ONECUT3: variants seen among roughly 807,000 people sequenced by gnomAD.
The protein encoded by ONECUT3 is one cut domain family member 3.
Under a neutral mutation model 16.8 loss-of-function variants are expected in ONECUT3, and 11 were observed. That is an observed-to-expected ratio of 0.66 (90% confidence interval 0.41 to 1.09). The LOEUF (loss-of-function observed/expected upper bound fraction) is 1.09. Among genes scored for constraint, ONECUT3 ranks in the 50% least tolerant of loss-of-function variants. The pLI, the probability that ONECUT3 is intolerant of heterozygous loss-of-function variation, is 0.00. For missense variants in ONECUT3, 637 were observed against 629.9 expected, an observed-to-expected ratio of 1.01 and a Z score of -0.12; for synonymous variants, 344 against 310.7, an observed-to-expected ratio of 1.11 and a Z score of -1.13.
chr19:1,768,217 C>T (rs2068011159), intron 1 of ONECUT3, among the ~76,000 whole-genome samples: 1 of 148,150 alleles, frequency 6.7e-6, no homozygotes, highest in South Asian at 2.1e-4. Flanking sequence ...TGGGATTAGA[C>T]AAGGGGTGTT....
chr19:1,756,231 G>A (rs575475547), intron 1 of ONECUT3, among the ~76,000 whole-genome samples: 15 of 152,294 alleles, frequency 9.8e-5, no homozygotes, highest in South Asian at 6.2e-4. Context: ...CCCACAGGCC[G>A]GCCTCAGTTT....
At chr19:1,770,340 G>A (rs1428889434) in intron 1 of ONECUT3, among the ~76,000 whole-genome samples, 2 of 152,156 alleles carry the variant, frequency 1.3e-5, no homozygotes, top group African/African-American at 2.4e-5. Context: ...GGGAGGCTGA[G>A]GTGGAAGGAT....
chr19:1,775,200 C>G lies in ONECUT3; in HGVS notation c.1240C>G (p.Pro414Ala). The change falls in exon 2 of 2, where the codon CCC becomes GCC. Residue 414 changes from proline (P) to alanine (A), a missense_variant. Pro to Ala is a conservative substitution (Grantham distance 27). This residue lies in a region of ONECUT3 where 183 missense variants were observed against 188.3 expected (regional missense o/e 0.97). Transcript: ENST00000382349. Reference sequence around the variant, plus strand: ...GCAGCAGAAGGAGCGCGCCCTGCAGCCCAAGAAGCAGCGCCTGGTGTTCAC... The same window carrying G: ...GCAGCAGAAGGAGCGCGCCCTGCAGGCCAAGAAGCAGCGCCTGGTGTTCAC... Reference protein sequence around the residue: ...QEQQKERALQPKKQRLVFTDL... With the variant: ...QEQQKERALQAKKQRLVFTDL... The G allele has an allele frequency of 6.4e-7, 1 of 1,555,018 alleles. No homozygotes were observed. Among genetic ancestry groups the G allele is most frequent in the Non-Finnish European group, 8.7e-7 (1 of 1,150,926 alleles).
intron 1 of ONECUT3, among the ~76,000 whole-genome samples, chr19:1,773,814 G>GA (rs1568602470): frequency 5.9e-4 from 55 of 93,860 alleles, no homozygotes; most frequent in African/African-American, 2.0e-3. Flanking sequence ...CCAGCTCCTA[G>GA]TGGGGGAAGC....
rs1468589405 is a variant in ONECUT3 at position 1,778,917 on chromosome 19, T to G, written c.*3472T>G. On this transcript the variant is annotated 3_prime_UTR_variant, in exon 2 of 2. Transcript: ENST00000382349. ...ACACACACACACACACACACACCCC[T>G]ACCTGTTTCCGGACCCCACCCCAAA... The G allele has an allele frequency of 8.4e-6, 1 of 118,472 alleles. No individual in the cohort carries two copies. The highest frequency in any genetic ancestry group is 3.1e-5 in the African/African-American group (1 of 31,874). The allele number at this position is 118,472 out of a possible 1,614,324, so 7.3% of individuals were successfully genotyped here. A position where few individuals can be genotyped will look rare whatever the true frequency, so the allele number is the denominator to read the frequency against.
chr19:1,775,111 C>T (rs892278576), intron 1 of ONECUT3, 42 bp from the exon 2 acceptor site: 1 of 1,300,192 alleles, frequency 7.7e-7, no homozygotes, highest in Non-Finnish European at 1.0e-6. Context: ...CACACGGTGG[C>T]GCTGTGTCCC....
chr19:1,771,909 G>T (rs1786577049), intron 1 of ONECUT3, among the ~76,000 whole-genome samples: 1 of 152,110 alleles, frequency 6.6e-6, no homozygotes, highest in South Asian at 2.1e-4. Context: ...AACCTCTTGG[G>T]CTCAAGTGAT....
intron 1 of ONECUT3, among the ~76,000 whole-genome samples, chr19:1,773,928 C>T (rs751587749): frequency 3.3e-5 from 5 of 152,194 alleles, no homozygotes; most frequent in African/African-American, 9.7e-5. Context: ...CCCATCACCC[C>T]GAGCCTTTGC....
In ONECUT3 at chr19:1,753,804, G is replaced by A; in HGVS notation, c.142G>A (p.Ala48Thr). 1 of 969,792 alleles carries A rather than the reference G, an allele frequency of 1.0e-6. No individual in the cohort carries two copies. The highest frequency in any genetic ancestry group is 1.2e-6 in the Non-Finnish European group (1 of 817,890). 60.1% of individuals were successfully genotyped at this position (969,792 alleles called of 1,614,324 possible). A position where few individuals can be genotyped will look rare whatever the true frequency, so the allele number is the denominator to read the frequency against. ...GGCGCCCGGGCGCCCGGGCCTGGTG[G>A]CCGGCATGGCGAGCCTGCTGGACGG... Reference protein sequence around the residue: ...LVAPGRPGLVAGMASLLDGGG... With the variant: ...LVAPGRPGLVTGMASLLDGGG... The change falls in exon 1 of 2, where the codon GCC becomes ACC. Residue 48 changes from alanine (A) to threonine (T), a missense_variant. Ala to Thr is a moderately conservative substitution (Grantham distance 58, BLOSUM62 0). Transcript: ENST00000382349.
rs914396803 is a variant in ONECUT3, at chr19:1,777,758, G to C, written c.*2313G>C. 2 of 152,154 alleles carry C rather than the reference G, an allele frequency of 1.3e-5. No individual in the cohort carries two copies. Among genetic ancestry groups the C allele is most frequent in the African/African-American group, 4.8e-5 (2 of 41,426 alleles). 9.4% of individuals were successfully genotyped at this position (152,154 alleles called of 1,614,324 possible). A position where few individuals can be genotyped will look rare whatever the true frequency, so the allele number is the denominator to read the frequency against. ...GCCTGGAATCCCAGCATTTTGGGAGGCCGAGGCGGGTGGATCACAAGGTCA... is the reference window on the plus strand; with the variant it reads ...GCCTGGAATCCCAGCATTTTGGGAGCCCGAGGCGGGTGGATCACAAGGTCA... On this transcript the variant is annotated 3_prime_UTR_variant, in exon 2 of 2. Coordinates refer to ENST00000382349, the MANE Select transcript of ONECUT3 (RefSeq NM_001080488.2).
In ONECUT3 at chr19:1,776,930, A is replaced by C. The variant is rs1334661245; in HGVS notation, c.*1485A>C. 1.3e-5 allele frequency: 2 copies of C among 152,146 alleles called. No individual in the cohort carries two copies. The highest frequency in any genetic ancestry group is 1.5e-5 in the Non-Finnish European group (1 of 68,022). 9.4% of individuals were successfully genotyped at this position (152,146 alleles called of 1,614,324 possible). A position where few individuals can be genotyped will look rare whatever the true frequency, so the allele number is the denominator to read the frequency against. Reference sequence around the variant, plus strand: ...CGCCTGATACCAAAGATTTCTCCCAAGGATTTGTGCTGGATGACAGGATTC... The same window carrying C: ...CGCCTGATACCAAAGATTTCTCCCACGGATTTGTGCTGGATGACAGGATTC... On this transcript the variant is annotated 3_prime_UTR_variant, in exon 2 of 2. Coordinates refer to ENST00000382349, the MANE Select transcript of ONECUT3 (RefSeq NM_001080488.2). The surrounding 1 kb of genome is among the most constrained non-coding windows in gnomAD (Gnocchi z 4.9).
Position 1,754,189 on chromosome 19 carries a change from C to A in ONECUT3, c.527C>A (p.Ala176Glu), listed in dbSNP as rs2067903958. 1 of 1,134,208 alleles carries A rather than the reference C, an allele frequency of 8.8e-7. No homozygotes were observed. The highest frequency in any genetic ancestry group is 1.1e-6 in the Non-Finnish European group (1 of 916,134). The allele number at this position is 1,134,208 out of a possible 1,614,324, so 70.3% of individuals were successfully genotyped here. ...GSFTLMRDER[A>E]ALASVGHLYG... is the part of the protein sequence containing the mutation. Reference sequence around the variant, plus strand: ...TTCACCCTCATGCGCGACGAGCGGGCGGCGCTCGCCTCCGTGGGCCACCTC... The same window carrying A: ...TTCACCCTCATGCGCGACGAGCGGGAGGCGCTCGCCTCCGTGGGCCACCTC... The change falls in exon 1 of 2, where the codon GCG becomes GAG. Residue 176 changes from alanine (A) to glutamate (E), a missense_variant. Coordinates refer to ENST00000382349, the MANE Select transcript of ONECUT3 (RefSeq NM_001080488.2). This position sits in a 1 kb window ranked among gnomAD's most constrained non-coding sequence, Gnocchi z 7.4.
chr19:1,762,677 C>T lies in ONECUT3; in HGVS notation c.1192+7823C>T, dbSNP rs2067952652. 1.3e-5 allele frequency among the ~76,000 whole-genome samples: 2 copies of T among 152,230 alleles called. No individual in the cohort carries two copies. On this transcript the variant is annotated intron_variant, in intron 1 of 1. Transcript: ENST00000382349. The surrounding 1 kb of genome is among the most constrained non-coding windows in gnomAD (Gnocchi z 4.4). ...GGACCACGCGCCCGCGGCCTTGGAG[C>T]CTCAGGGTCACTGGTGCGGGCTCCG...
Position 1,762,487 on chromosome 19 carries a change from C to G in ONECUT3, c.1192+7633C>G, listed in dbSNP as rs536572093. Among the ~76,000 whole-genome samples, 1 of 152,262 alleles carries G rather than the reference C, an allele frequency of 6.6e-6. No individual in the cohort carries two copies. The highest frequency in any genetic ancestry group is 1.9e-4 in the East Asian group (1 of 5,196). On this transcript the variant is annotated intron_variant, in intron 1 of 1. Coordinates refer to ENST00000382349, the MANE Select transcript of ONECUT3 (RefSeq NM_001080488.2). This position sits in a 1 kb window ranked among gnomAD's most constrained non-coding sequence, Gnocchi z 4.4. ...CTGTGCCTCAGTTTCCATCACCCAG[C>G]AAACGCCGTCCCGCAGCACCCGGGA... is the stretch of plus-strand genomic sequence containing the variant.
Position 1,775,133 on chromosome 19 carries a change from C to CGCCA in ONECUT3, c.1193-17_1193-16insAGCC, listed in dbSNP as rs1193867197. On this transcript the variant is annotated intron_variant, in intron 1 of 1. Transcript: ENST00000382349. ...TGGCGCTGTGTCCCGCTCGCCCGCC[C>CGCCA]GCCCGCCGCTCGCCCGCAGCCTGCA... 2 of 1,282,030 alleles carry CGCCA rather than the reference C, an allele frequency of 1.6e-6. No individual in the cohort carries two copies. Among genetic ancestry groups the CGCCA allele is most frequent in the Non-Finnish European group, 1.1e-6 (1 of 946,670 alleles). 79.4% of individuals were successfully genotyped at this position (1,282,030 alleles called of 1,614,324 possible).
intron 1 of ONECUT3, among the ~76,000 whole-genome samples, chr19:1,770,714 C>T (rs1008551331): frequency 6.6e-6 from 1 of 152,190 alleles, no homozygotes; most frequent in Non-Finnish European, 1.5e-5. Flanking sequence ...GGACTGGGTC[C>T]TCTCCTGTAA....
chr19:1,772,157 C>G (rs1463280600), intron 1 of ONECUT3, among the ~76,000 whole-genome samples: 2 of 151,196 alleles, frequency 1.3e-5, no homozygotes, highest in Non-Finnish European at 3.0e-5. Context: ...TTCCAAGCAC[C>G]TGCCACCACA....
rs1482790421 is a variant in ONECUT3, at chr19:1,755,599, C to T, written c.1192+745C>T. ...TTGGTCGTGGCTCGGGTGCGCGCGC[C>T]CCTGCCCGCCTGGCTTTGGGGTTTT... On this transcript the variant is annotated intron_variant, in intron 1 of 1. Coordinates refer to ENST00000382349, the MANE Select transcript of ONECUT3 (RefSeq NM_001080488.2). The surrounding 1 kb of genome is among the most constrained non-coding windows in gnomAD (Gnocchi z 7.5). 1.3e-5 allele frequency among the ~76,000 whole-genome samples: 2 copies of T among 152,142 alleles called. No homozygotes were observed. The highest frequency in any genetic ancestry group is 4.8e-5 in the African/African-American group (2 of 41,446).
rs73515193 is a variant in ONECUT3 at position 1,766,486 on chromosome 19, G to A, written c.1193-8667G>A. Reference sequence around the variant, plus strand: ...GGGGAGAGGGAAGGAAGGGAAGTGAGGGAAGGAAGGGGAAGAGGGGAGGGA... The same window carrying A: ...GGGGAGAGGGAAGGAAGGGAAGTGAAGGAAGGAAGGGGAAGAGGGGAGGGA... On this transcript the variant is annotated intron_variant, in intron 1 of 1. Coordinates refer to ENST00000382349, the MANE Select transcript of ONECUT3 (RefSeq NM_001080488.2). This position sits in a 1 kb window ranked among gnomAD's most constrained non-coding sequence, Gnocchi z 4.0. 0.025 allele frequency among the ~76,000 whole-genome samples: 3,809 copies of A among 151,486 alleles called. 155 individuals carry two copies. Among genetic ancestry groups the A allele is most frequent in the East Asian group, 0.18 (907 of 5,076 alleles).
Sources: gnomAD v4.1 joint callset for allele counts (sites outside exome capture counted in the v4.1 genomes callset) on GRCh38, gnomAD v4.1.1 for gene constraint, gnomAD v4.1.1 regional missense constraint, Gnocchi (gnomAD v3.1) non-coding constraint, MANE v1.5 for transcripts, NCBI Gene and HGNC (gene_info 2026-07-23, HGNC 2026-07-21) for gene names.